NRXN3: variants seen among roughly 807,000 people sequenced by gnomAD.
NRXN3 encodes neurexin 3, also known as neurexin III.
Under a neutral mutation model 137.6 loss-of-function variants are expected in NRXN3, and 32 were observed. That is an observed-to-expected ratio of 0.23 (90% CI 0.18 to 0.31). The LOEUF (loss-of-function observed/expected upper bound fraction) is 0.31, where lower values mean the gene tolerates loss of function less well. Ranked by LOEUF, NRXN3 falls within the 10% of genes least tolerant of loss-of-function variation. NRXN3 has a pLI of 1.00. For synonymous variants in NRXN3, 798 were observed against 784.5 expected (o/e 1.02, Z -0.29); for missense variants, 1,574 against 2,062.5 (o/e 0.76, Z 4.59).
intron 10 of NRXN3, among the ~76,000 whole-genome samples, chr14:78,952,976 T>C (rs981233984): frequency 1.3e-5 from 2 of 152,214 alleles, no homozygotes; most frequent in Non-Finnish European, 2.9e-5. Context: ...TCTGGTTTAG[T>C]TGGTTTGGCC....
At chr14:78,347,208 G>A (rs2082863376) in intron 4 of NRXN3, among the ~76,000 whole-genome samples, 1 of 152,192 alleles carries the variant, frequency 6.6e-6, no homozygotes, top group Admixed American at 6.5e-5. Flanking sequence ...ATGTTTTATG[G>A]GGACAATTTA....
intron 4 of NRXN3, among the ~76,000 whole-genome samples, chr14:78,480,491 A>G (rs4903767): frequency 0.039 from 5,901 of 152,280 alleles, 239 homozygotes; most frequent in Admixed American, 0.13. Flanking sequence ...TTCTTATACA[A>G]TGGGTCCAGG....
rs367750132 is a variant in NRXN3 at position 79,370,288 on chromosome 14, G to GT, written c.3263-96925dup. Among the ~76,000 whole-genome samples, 1,081 of 148,356 alleles carry GT rather than the reference G, an allele frequency of 7.3e-3. 8 individuals are homozygous for GT. The highest frequency in any genetic ancestry group is 0.025 in the African/African-American group (1,027 of 40,526). On this transcript the variant is annotated intron_variant, in intron 15 of 20. Transcript: ENST00000335750. ...AGAACAACCAGCTAAAGTTTATCGG[G>GT]TTTTTTTTGTTTCTGTTTTTTTGGG...
chr14:79,853,240 G>A (rs970775202), intron 20 of NRXN3, among the ~76,000 whole-genome samples: 3 of 152,158 alleles, frequency 2.0e-5, no homozygotes, highest in Non-Finnish European at 2.9e-5. Context: ...TGTGGCTGCC[G>A]ATGAAGTTGT....
At chr14:79,240,688 A>G (rs1319699660) in intron 15 of NRXN3, among the ~76,000 whole-genome samples, 1 of 152,080 alleles carries the variant, frequency 6.6e-6, no homozygotes, top group Non-Finnish European at 1.5e-5. Flanking sequence ...GTGCTCCCCT[A>G]CATCAATCTC....
chr14:79,209,550 G>A (rs942569663), intron 15 of NRXN3, among the ~76,000 whole-genome samples: 3 of 152,174 alleles, frequency 2.0e-5, no homozygotes, highest in Admixed American at 6.5e-5. Flanking sequence ...ACCTTTGAGA[G>A]AAGTTTTTCC....
chr14:79,280,668 T>C (rs2081136936), intron 15 of NRXN3: 8 of 976,286 alleles, frequency 8.2e-6, no homozygotes, highest in Non-Finnish European at 1.2e-5. Flanking sequence ...AAGCATCGTA[T>C]GTCCATGAGG....
intron 15 of NRXN3, among the ~76,000 whole-genome samples, chr14:79,236,411 G>A (rs114956701): frequency 0.019 from 2,944 of 152,024 alleles, 101 homozygotes; most frequent in African/African-American, 0.068. Context: ...TTGCTGATAA[G>A]CGTTAGACAC....
In NRXN3 at chr14:78,794,606, T is replaced by G. The variant is rs1034265259; in HGVS notation, c.2045-9014T>G. Among the ~76,000 whole-genome samples the G allele has an allele frequency of 4.1e-5, 6 of 147,092 alleles. No individual in the cohort carries two copies. The East Asian group carries it at 1.2e-3, about 29-fold the overall frequency. On this transcript the variant is annotated intron_variant, in intron 8 of 20. Coordinates refer to ENST00000335750, the MANE Select transcript of NRXN3 (RefSeq NM_001330195.2). Reference sequence around the variant, plus strand: ...CCTCTAAAGAGTTTGTCTATTCTATTTGTGTGTGTGTGTGTGTGTGTGTGT... The same window carrying G: ...CCTCTAAAGAGTTTGTCTATTCTATGTGTGTGTGTGTGTGTGTGTGTGTGT...
At chr14:78,493,148 T>G (rs1197041847) in intron 4 of NRXN3, among the ~76,000 whole-genome samples, 2 of 152,164 alleles carry the variant, frequency 1.3e-5, no homozygotes, top group Non-Finnish European at 2.9e-5. Context: ...CTGGGGATGC[T>G]GTGCGTTTTG....
chr14:79,692,437 A>C (rs940543887), intron 18 of NRXN3, among the ~76,000 whole-genome samples, 175 bp downstream of exon 18: 1 of 152,104 alleles, frequency 6.6e-6, no homozygotes, highest in Non-Finnish European at 1.5e-5. Flanking sequence ...TCATGCTATA[A>C]TACATTGCCA....
At chr14:79,852,723 T>G (rs1009884444) in intron 20 of NRXN3, among the ~76,000 whole-genome samples, 2 of 152,144 alleles carry the variant, frequency 1.3e-5, no homozygotes, top group Non-Finnish European at 2.9e-5. Flanking sequence ...AAAAAAAACG[T>G]GTCCCCTGAC....
chr14:79,779,477 G>A (rs1395609210), intron 19 of NRXN3, among the ~76,000 whole-genome samples: 2 of 152,108 alleles, frequency 1.3e-5, no homozygotes. Flanking sequence ...TTCTGTTGTA[G>A]TCTTTACCTT....
chr14:79,714,720 TTCTC>T (rs1332092930), intron 19 of NRXN3, among the ~76,000 whole-genome samples: 2 of 152,268 alleles, frequency 1.3e-5, no homozygotes, highest in African/African-American at 4.8e-5. Flanking sequence ...GTGTTTCTCT[TTCTC>T]TCTCTCCCTC....
chr14:78,360,207 G>A (rs2084914034), intron 4 of NRXN3, among the ~76,000 whole-genome samples: 1 of 152,092 alleles, frequency 6.6e-6, no homozygotes, highest in African/African-American at 2.4e-5. Flanking sequence ...ACTTGACAGT[G>A]TCAAATGACT....
At chr14:79,708,510 T>TTC (rs397802151) in intron 19 of NRXN3, among the ~76,000 whole-genome samples, 1 of 151,698 alleles carries the variant, frequency 6.6e-6, no homozygotes, top group Admixed American at 6.6e-5. Flanking sequence ...TTTTTTTTTT[T>TTC]CTGAAAATAT....
At chr14:79,782,881 G>C (rs912967007) in intron 19 of NRXN3, among the ~76,000 whole-genome samples, 6 of 152,130 alleles carry the variant, frequency 3.9e-5, no homozygotes, top group Non-Finnish European at 7.4e-5. Flanking sequence ...CCTTGACCCA[G>C]AGATACGAAT....
chr14:78,783,682 A>T (rs1201159836), intron 8 of NRXN3, among the ~76,000 whole-genome samples: 2 of 152,196 alleles, frequency 1.3e-5, no homozygotes, highest in Non-Finnish European at 2.9e-5. Context: ...AAAAAGTTTA[A>T]AACAATTAAA....
At chr14:78,934,208 G>T (rs975845502) in intron 10 of NRXN3, among the ~76,000 whole-genome samples, 2 of 150,872 alleles carry the variant, frequency 1.3e-5, no homozygotes, top group Non-Finnish European at 2.9e-5. Flanking sequence ...TGAACTTCTG[G>T]CTCTAGAATA....
Sources: allele counts gnomAD v4.1 joint callset (sites outside exome capture counted in the v4.1 genomes callset), GRCh38; gene constraint gnomAD v4.1.1; transcripts MANE v1.5; gene names NCBI Gene and HGNC (gene_info 2026-07-23, HGNC 2026-07-21).